The following SPATA19 variants were observed in gnomAD, a reference collection of about 807,000 sequenced individuals.
The protein encoded by SPATA19 is spermatogenesis associated 19.
Under a neutral mutation model 25.0 loss-of-function variants are expected in SPATA19, and 19 were observed. The observed-to-expected ratio is 0.76, with a 90% CI of 0.53 to 1.11. SPATA19 has a LOEUF of 1.11. Among genes scored for constraint, SPATA19 ranks in the 50% most tolerant of loss-of-function variants. The pLI is 0.00. For synonymous variants in SPATA19, 64 were observed against 69.3 expected (o/e 0.92, Z 0.38); for missense variants, 222 against 211.4 (o/e 1.05, Z -0.31).
downstream of SPATA19, among the ~76,000 whole-genome samples, chr11:133,837,058 C>T (rs181805626): frequency 6.6e-6 from 1 of 152,304 alleles, no homozygotes; most frequent in African/African-American, 2.4e-5. Flanking sequence ...AAGTGCTCAG[C>T]GAACATCAGT....
intron 1 of SPATA19, 79 bp from the exon 2 acceptor site, chr11:133,845,269 T>A: frequency 7.7e-7 from 1 of 1,292,388 alleles, no homozygotes; most frequent in Non-Finnish European, 1.1e-6. Context: ...CAACTGTTAC[T>A]CAAATTTATT....
chr11:133,836,953 T>C (rs1938223549), downstream of SPATA19, among the ~76,000 whole-genome samples: 1 of 152,170 alleles, frequency 6.6e-6, no homozygotes, highest in Non-Finnish European at 1.5e-5. Context: ...TTGTGTTATC[T>C]CCTCTCTAAT....
downstream of SPATA19, among the ~76,000 whole-genome samples, chr11:133,839,987 C>T (rs1020506197): frequency 6.6e-6 from 1 of 151,976 alleles, no homozygotes; most frequent in South Asian, 2.1e-4. Flanking sequence ...ATAATAATAA[C>T]AATAATAACT....
chr11:133,842,590 T>C (rs1330916780), intron 4 of SPATA19, 28 bp from the exon 5 acceptor site: 1 of 1,558,748 alleles, frequency 6.4e-7, no homozygotes, highest in South Asian at 1.1e-5. Context: ...TACATTGGCA[T>C]ATGGGATCTG....
chr11:133,838,359 T>C (rs912903719), downstream of SPATA19, among the ~76,000 whole-genome samples: 7 of 152,290 alleles, frequency 4.6e-5, no homozygotes, highest in South Asian at 8.3e-4. Context: ...GACTCATTGG[T>C]AGACTGGACA....
chr11:133,842,375 T>C, intron 5 of SPATA19, 110 bp downstream of exon 5: 3 of 865,036 alleles, frequency 3.5e-6, no homozygotes, highest in South Asian at 2.8e-5. Flanking sequence ...GCTCTTGATG[T>C]TGGCATACCA....
intron 5 of SPATA19, 83 bp from the exon 6 acceptor site, chr11:133,842,188 G>T: frequency 1.4e-6 from 2 of 1,391,706 alleles, no homozygotes; most frequent in Non-Finnish European, 1.0e-6. Flanking sequence ...CAGGGGCTGC[G>T]GTGGGAGGGC....
intron 5 of SPATA19, 40 bp from the exon 6 acceptor site, chr11:133,842,145 T>A: frequency 6.3e-7 from 1 of 1,593,466 alleles, no homozygotes; most frequent in Non-Finnish European, 8.6e-7. Context: ...GGAGGGAGGC[T>A]GCCTGATAGC....
downstream of SPATA19, among the ~76,000 whole-genome samples, chr11:133,837,580 A>G (rs1323020071): frequency 6.6e-6 from 1 of 152,118 alleles, no homozygotes; most frequent in Non-Finnish European, 1.5e-5. Context: ...AAGGGAAACT[A>G]TTTTGCCAGG....
At chr11:133,836,487 T>A (rs2851119), downstream of SPATA19, among the ~76,000 whole-genome samples, 1 of 151,974 alleles carries the variant, frequency 6.6e-6, no homozygotes, top group Non-Finnish European at 1.5e-5. Flanking sequence ...CCAGCTCTGC[T>A]GGAGAGGGCA....
At position 133,842,098 on chromosome 11, in the gene SPATA19, G is replaced by A. The variant is rs761234147; in HGVS notation, c.445C>T (p.Arg149Cys). ...RIEQVRRSIS[R>C]LTDVSAQDFS... ...TCCTGAGCTGAGACATCTGTAAGAC[G>A]GGATATGCTGCAGGGGACAGAGGAG... Residue 149 changes from arginine (R) to cysteine (C), a missense_variant, in exon 6 of 7, where the codon CGT (arginine) becomes TGT (cysteine). Transcript: ENST00000299140. The A allele has an allele frequency of 1.3e-5, 21 of 1,613,918 alleles. No homozygotes were observed. Among genetic ancestry groups the A allele is most frequent in the Middle Eastern group, 1.6e-4 (1 of 6,084 alleles).
chr11:133,837,065 C>T (rs1490206424), downstream of SPATA19, among the ~76,000 whole-genome samples: 1 of 152,208 alleles, frequency 6.6e-6, no homozygotes, highest in Admixed American at 6.5e-5. Flanking sequence ...CAGCGAACAT[C>T]AGTGGTCATT....
downstream of SPATA19, among the ~76,000 whole-genome samples, chr11:133,839,626 C>T (rs1372035044): frequency 2.6e-5 from 4 of 151,920 alleles, no homozygotes; most frequent in Non-Finnish European, 5.9e-5. Context: ...CACATGTATA[C>T]ATATGTAACA....
At chr11:133,842,607 T>C in intron 4 of SPATA19, 45 bp from the exon 5 acceptor site, 1 of 1,444,462 alleles carries the variant, frequency 6.9e-7, no homozygotes, top group Non-Finnish European at 9.8e-7. Flanking sequence ...TCTGAGTTTC[T>C]TTCTTAACAG....
At chr11:133,844,377 T>C (rs747412704) in intron 3 of SPATA19, 40 bp from the exon 4 acceptor site, 1 of 1,609,664 alleles carries the variant, frequency 6.2e-7, no homozygotes, top group South Asian at 1.1e-5. Flanking sequence ...CTGCCCAGTG[T>C]GGCCCCCAAC....
downstream of SPATA19, among the ~76,000 whole-genome samples, chr11:133,838,173 G>C (rs1465610016): frequency 6.6e-6 from 1 of 152,162 alleles, no homozygotes; most frequent in African/African-American, 2.4e-5. Context: ...GGAATTATTA[G>C]ACTGGGAATT....
Position 133,841,655 on chromosome 11 carries a change from G to A in SPATA19, c.*9+375C>T, listed in dbSNP as rs980742428. On this transcript the variant is annotated intron_variant, in intron 6 of 6. Coordinates refer to ENST00000299140, the MANE Select transcript of SPATA19 (RefSeq NM_174927.3). ...AGCATCACTCCTGACACTACGATCT[G>A]TGACTCAAGGTGAGGTCAGCAGACC... Among the ~76,000 whole-genome samples, 3 of 152,220 alleles carry A rather than the reference G, an allele frequency of 2.0e-5. No homozygotes were observed. The East Asian group carries it at 5.8e-4, about 29-fold the overall frequency.
chr11:133,838,836 A>G (rs1555077533), downstream of SPATA19, among the ~76,000 whole-genome samples: 1 of 152,228 alleles, frequency 6.6e-6, no homozygotes, highest in Non-Finnish European at 1.5e-5. Flanking sequence ...ATTTACAAGA[A>G]AAAAACAAAC....
chr11:133,842,152 T>G, intron 5 of SPATA19, 47 bp from the exon 6 acceptor site: 1 of 1,579,956 alleles, frequency 6.3e-7, no homozygotes, highest in East Asian at 2.2e-5. Context: ...GGCTGCCTGA[T>G]AGCAGAGCCT....
Sources: gnomAD v4.1 joint callset for allele counts (sites outside exome capture counted in the v4.1 genomes callset) on GRCh38, gnomAD v4.1.1 for gene constraint, MANE v1.5 for transcripts, NCBI Gene and HGNC (gene_info 2026-07-23, HGNC 2026-07-21) for gene names.